RANBP9: variants seen among roughly 807,000 people sequenced by gnomAD.
RANBP9 encodes the protein ran-binding protein 9.
In RANBP9, 15 loss-of-function variants were observed where a neutral mutation model predicts 84.3. That is an observed-to-expected ratio of 0.18 (90% CI 0.12 to 0.27). The LOEUF is 0.27. RANBP9 is among the 10% of genes least tolerant of loss of function. The probability of loss-of-function intolerance (pLI) is 1.00; values close to 1 mark genes in which losing one functional copy is unlikely to be tolerated. For synonymous variants in RANBP9, 392 were observed against 349.6 expected (o/e 1.12, Z -1.35); for missense variants, 809 against 912.8 (o/e 0.89, Z 1.46).
rs575712009 is a variant in RANBP9, at chr6:13,641,800, G to A, written c.1226-493C>T. Among the ~76,000 whole-genome samples, 4 of 152,266 alleles carry A rather than the reference G, an allele frequency of 2.6e-5. No homozygotes were observed. The South Asian group carries it at 8.3e-4, about 32-fold the overall frequency. Reference sequence around the variant, plus strand: ...CTGTTCAACAGAGCTTATTAAAATAGTAGAAAAGGACAGCACACAATTAAC... The same window carrying A: ...CTGTTCAACAGAGCTTATTAAAATAATAGAAAAGGACAGCACACAATTAAC... On this transcript the variant is annotated intron_variant, in intron 7 of 13. Coordinates refer to ENST00000011619, the MANE Select transcript of RANBP9 (RefSeq NM_005493.3).
chr6:13,642,524 C>T lies in RANBP9; in HGVS notation c.1180G>A (p.Asp394Asn). 1 of 1,611,724 alleles carries T rather than the reference C, an allele frequency of 6.2e-7. No individual in the cohort carries two copies. The highest frequency in any genetic ancestry group is 1.7e-5 in the Admixed American group (1 of 59,934). Reference protein sequence around the residue: ...ATAEAFARSTDQTVLEELASI... With the variant: ...ATAEAFARSTNQTVLEELASI... ...GCTAATTCTTCTAGAACGGTCTGGT[C>T]TGTAGATCTGGCAAAGGCCTCTGCT... Residue 394 changes from aspartate (D) to asparagine (N), a missense_variant, in exon 7 of 14, where the codon GAC becomes AAC. Transcript: ENST00000011619.
chr6:13,650,716 A>G (rs1765276937), intron 5 of RANBP9, among the ~76,000 whole-genome samples: 1 of 152,198 alleles, frequency 6.6e-6, no homozygotes, highest in African/African-American at 2.4e-5. Context: ...AATCTTAAAA[A>G]ATGTTCTTGA....
At chr6:13,695,762 A>C (rs1655934875) in intron 2 of RANBP9, among the ~76,000 whole-genome samples, 1 of 152,108 alleles carries the variant, frequency 6.6e-6, no homozygotes, top group Non-Finnish European at 1.5e-5. Flanking sequence ...GTTACATAAA[A>C]AGCTGTCACT....
chr6:13,669,758 T>C (rs2113305296), intron 2 of RANBP9, among the ~76,000 whole-genome samples: 1 of 152,166 alleles, frequency 6.6e-6, no homozygotes, highest in Middle Eastern at 3.4e-3. Flanking sequence ...CTGGCTAACT[T>C]TTTTTCGCAT....
chr6:13,693,609 G>T (rs181919684), intron 2 of RANBP9, among the ~76,000 whole-genome samples: 204 of 152,188 alleles, frequency 1.3e-3, no homozygotes, highest in African/African-American at 4.7e-3. Context: ...TTAGCCGGGG[G>T]TGGCAGCAGA....
In RANBP9 at chr6:13,632,486, C is replaced by T. The variant is rs374091823; in HGVS notation, c.1831G>A (p.Gly611Arg). The T allele has an allele frequency of 1.2e-6, 2 of 1,613,780 alleles. No homozygotes were observed. The highest frequency in any genetic ancestry group is 1.7e-6 in the Non-Finnish European group (2 of 1,179,778). ...CTTTCTATGGCGGCCTGACTTCCTC[C>T]ACACAACTGGCGTCTCAACTGACTT... Reference protein sequence around the residue: ...DSSQLRRQLCGGSQAAIERMI... With the variant: ...DSSQLRRQLCRGSQAAIERMI... Residue 611 changes from glycine to arginine, a missense_variant, in exon 12 of 14, where the codon GGA becomes AGA. Transcript: ENST00000011619.
intron 5 of RANBP9, among the ~76,000 whole-genome samples, chr6:13,645,021 T>A (rs1336534913): frequency 6.6e-6 from 1 of 152,230 alleles, no homozygotes; most frequent in African/African-American, 2.4e-5. Context: ...TACTAATATA[T>A]GTGCATGTAA....
intron 13 of RANBP9, among the ~76,000 whole-genome samples, chr6:13,624,926 G>A (rs902238281): frequency 6.6e-6 from 1 of 152,170 alleles, no homozygotes; most frequent in Admixed American, 6.5e-5. Flanking sequence ...TAAGCATGGT[G>A]GGAGCTGTGA....
chr6:13,638,125 A>T (rs975415746), intron 9 of RANBP9, among the ~76,000 whole-genome samples, 170 bp from the exon 10 acceptor site: 1 of 152,194 alleles, frequency 6.6e-6, no homozygotes, highest in African/African-American at 2.4e-5. Context: ...CTTAATTGTG[A>T]GATCTTAATT....
chr6:13,691,531 T>C (rs1285580809), intron 2 of RANBP9, among the ~76,000 whole-genome samples: 1 of 152,232 alleles, frequency 6.6e-6, no homozygotes, highest in Non-Finnish European at 1.5e-5. Context: ...TTCTACCCTA[T>C]TGAAAGAGGC....
At chr6:13,633,295 A>G (rs1380286423) in intron 11 of RANBP9, among the ~76,000 whole-genome samples, 1 of 152,214 alleles carries the variant, frequency 6.6e-6, no homozygotes, top group East Asian at 1.9e-4. Flanking sequence ...CGGCCTCCCA[A>G]AGTGCTGGGA....
At chr6:13,693,088 G>C (rs1766365427) in intron 2 of RANBP9, among the ~76,000 whole-genome samples, 1 of 152,134 alleles carries the variant, frequency 6.6e-6, no homozygotes, top group Admixed American at 6.5e-5. Context: ...AGGAGGCATA[G>C]AAAAGGCATA....
At chr6:13,652,209 T>C (rs1270344255) in intron 5 of RANBP9, among the ~76,000 whole-genome samples, 1 of 152,202 alleles carries the variant, frequency 6.6e-6, no homozygotes, top group Admixed American at 6.5e-5. Flanking sequence ...CATGTACTGC[T>C]CATTCTCTTT....
At chr6:13,696,723 T>C in intron 2 of RANBP9, 62 bp downstream of exon 2, 9 of 1,383,436 alleles carry the variant, frequency 6.5e-6, no homozygotes, top group Non-Finnish European at 9.1e-6. Flanking sequence ...AATTACATCA[T>C]AAACATTATG....
At chr6:13,645,894 C>G (rs913266600) in intron 5 of RANBP9, among the ~76,000 whole-genome samples, 1 of 151,958 alleles carries the variant, frequency 6.6e-6, no homozygotes, top group Admixed American at 6.6e-5. Context: ...TAAAAACAAC[C>G]GTTCAATCAA....
chr6:13,643,568 T>A (rs1469571216), intron 6 of RANBP9, among the ~76,000 whole-genome samples: 1 of 152,186 alleles, frequency 6.6e-6, no homozygotes, highest in Non-Finnish European at 1.5e-5. Flanking sequence ...CCTTTTAGAA[T>A]GGACTTCTCA....
At chr6:13,658,885 T>A in intron 2 of RANBP9, 53 bp from the exon 3 acceptor site, 2 of 1,475,616 alleles carry the variant, frequency 1.4e-6, no homozygotes. Flanking sequence ...CAGTCATATA[T>A]GTATAAATTA....
In RANBP9 at chr6:13,653,646, T is replaced by A. The variant is rs1765340884; in HGVS notation, c.905-965A>T. 1.3e-5 allele frequency among the ~76,000 whole-genome samples: 2 copies of A among 152,142 alleles called. 1 individual carries two copies. Among genetic ancestry groups the A allele is most frequent in the South Asian group, 4.1e-4 (2 of 4,836 alleles). On this transcript the variant is annotated intron_variant, in intron 4 of 13. Transcript: ENST00000011619. ...CTTCCTACTTGACATTTTATTCCTC[T>A]ATGACTGTGCTGTAATAACAGAAAA... is the stretch of plus-strand genomic sequence containing the variant.
Position 13,634,545 on chromosome 6 carries a change from C to T in RANBP9, c.1681G>A (p.Val561Ile), listed in dbSNP as rs1335566081. ...GAGTAGTGATCTGTTTCCATGTCTA[C>T]ATCATTACTGAAAACGAAAAAACAA... is the stretch of plus-strand genomic sequence containing the variant. ...QQVNNFTSND[V>I]DMETDHYSNG... The change falls in exon 11 of 14, where the codon GTA becomes ATA. Residue 561 changes from valine to isoleucine, a missense_variant. By Grantham distance (29) the Val-to-Ile change is conservative (BLOSUM62 3). Transcript: ENST00000011619. The T allele has an allele frequency of 1.3e-6, 2 of 1,599,976 alleles. No homozygotes were observed. Among genetic ancestry groups the T allele is most frequent in the Non-Finnish European group, 8.5e-7 (1 of 1,173,244 alleles).
Sources: allele counts gnomAD v4.1 joint callset (sites outside exome capture counted in the v4.1 genomes callset), GRCh38; gene constraint gnomAD v4.1.1; transcripts MANE v1.5; gene names NCBI Gene and HGNC (gene_info 2026-07-23, HGNC 2026-07-21).